ELF2: variants seen among roughly 807,000 people sequenced by gnomAD.
The protein encoded by ELF2 is E74 like ETS transcription factor 2.
A neutral mutation model predicts 54.8 loss-of-function variants in ELF2; 11 were observed. The ratio of observed to expected loss-of-function variants is 0.20; its 90% CI spans 0.13 to 0.33. The LOEUF is 0.33. ELF2 is among the 10% of genes least tolerant of loss of function. The pLI is 1.00. For synonymous variants in ELF2, 203 were observed against 245.1 expected (o/e 0.83, Z 1.61); for missense variants, 513 against 703.0 (o/e 0.73, Z 3.06).
At chr4:139,151,094 A>AAGAAAGAAAG (rs1179118074) in intron 1 of ELF2, among the ~76,000 whole-genome samples, 1 of 147,650 alleles carries the variant, frequency 6.8e-6, no homozygotes, top group African/African-American at 2.5e-5. Context: ...GAAAGAAAGA[A>AAGAAAGAAAG]AAAGAGAGCT....
intron 4 of ELF2, among the ~76,000 whole-genome samples, chr4:139,074,765 A>C (rs1730048854): frequency 2.6e-5 from 4 of 151,924 alleles, no homozygotes; most frequent in African/African-American, 9.7e-5. Context: ...GTCTCAAAAA[A>C]AAAAAACAAA....
chr4:139,161,041 TAC>T (rs895242573), intron 1 of ELF2, among the ~76,000 whole-genome samples: 1 of 152,216 alleles, frequency 6.6e-6, no homozygotes, highest in Non-Finnish European at 1.5e-5. Context: ...CATGTGTGTA[TAC>T]ACACACGTGT....
At chr4:139,083,886 G>GCTGCTC (rs898699786) in intron 4 of ELF2, among the ~76,000 whole-genome samples, 1 of 152,216 alleles carries the variant, frequency 6.6e-6, no homozygotes, top group Non-Finnish European at 1.5e-5. Flanking sequence ...AGCTGCTGCT[G>GCTGCTC]CTGCTCGCCG....
intron 4 of ELF2, chr4:139,084,094 C>A (rs748306747): frequency 5.0e-6 from 8 of 1,612,548 alleles, no homozygotes; most frequent in Non-Finnish European, 5.9e-6. Context: ...CCCTCTCCTG[C>A]TGCACCGATG....
At chr4:139,082,383 A>G (rs974442992) in intron 4 of ELF2, among the ~76,000 whole-genome samples, 4 of 152,186 alleles carry the variant, frequency 2.6e-5, no homozygotes, top group Non-Finnish European at 4.4e-5. Flanking sequence ...TCAAGTTCTC[A>G]TTGTGCTCTC....
intron 1 of ELF2, among the ~76,000 whole-genome samples, chr4:139,173,655 G>A (rs769984387): frequency 1.3e-5 from 2 of 151,622 alleles, no homozygotes; most frequent in Non-Finnish European, 2.9e-5. Flanking sequence ...CTACTTGGGA[G>A]GCTGAGGCAA....
intron 3 of ELF2, among the ~76,000 whole-genome samples, chr4:139,132,129 T>C (rs1478592751): frequency 6.6e-6 from 1 of 152,192 alleles, no homozygotes; most frequent in Admixed American, 6.5e-5. Flanking sequence ...TATTGTTTTT[T>C]ACAATGATCC....
At position 139,129,540 on chromosome 4, in the gene ELF2, A is replaced by G. The variant is rs540838323; in HGVS notation, c.73-4211T>C. On this transcript the variant is annotated intron_variant, in intron 3 of 9. Transcript: ENST00000686138. ...AAGCTTAACATGTCTAAATGGCACA[A>G]ATTATCTACATCTGTCCCTGTTTCC... Among the ~76,000 whole-genome samples, 21 of 152,316 alleles carry G rather than the reference A, an allele frequency of 1.4e-4. No homozygotes were observed. The East Asian group carries it at 4.0e-3, about 29-fold the overall frequency.
intron 1 of ELF2, among the ~76,000 whole-genome samples, chr4:139,153,504 T>A (rs1740224895): frequency 6.6e-6 from 1 of 151,862 alleles, no homozygotes; most frequent in Non-Finnish European, 1.5e-5. Flanking sequence ...AAACTCACTA[T>A]CCCAAAGGGA....
At chr4:139,087,934 T>C (rs1334684101) in intron 4 of ELF2, among the ~76,000 whole-genome samples, 1 of 152,018 alleles carries the variant, frequency 6.6e-6, no homozygotes, top group Non-Finnish European at 1.5e-5. Flanking sequence ...GGAAAAAAAA[T>C]TTGCAATTCT....
chr4:139,143,091 C>A (rs1383683932), intron 1 of ELF2, among the ~76,000 whole-genome samples: 4 of 151,998 alleles, frequency 2.6e-5, no homozygotes, highest in Non-Finnish European at 1.5e-5. Flanking sequence ...ATTTTGGAAC[C>A]CTGGCTAAAG....
In ELF2 at chr4:139,084,297, A is replaced by ACACACACTCACGCACTCG. The variant is rs1272208807; in HGVS notation, c.239-10748_239-10731dup. 33 of 1,598,070 alleles carry ACACACACTCACGCACTCG rather than the reference A, an allele frequency of 2.1e-5. 1 individual carries two copies. Among genetic ancestry groups the ACACACACTCACGCACTCG allele is most frequent in the South Asian group, 9.9e-5 (9 of 90,882 alleles). Reference sequence around the variant, plus strand: ...GCCGGAGACACACGCCGTGCGACCGACACACACTCACGCACTCGCACACAC... The same window carrying ACACACACTCACGCACTCG: ...GCCGGAGACACACGCCGTGCGACCGACACACACTCACGCACTCGCACACACTCACGCACTCGCACACAC... On this transcript the variant is annotated intron_variant, in intron 4 of 9. Transcript: ENST00000686138.
intron 1 of ELF2, among the ~76,000 whole-genome samples, chr4:139,144,163 G>C (rs764423672): frequency 6.6e-6 from 1 of 152,130 alleles, no homozygotes. Flanking sequence ...GTAAAAAACT[G>C]TAAGTCCCCA....
Position 139,057,545 on chromosome 4 carries a change from G to GT in ELF2, c.*1437dup, listed in dbSNP as rs1401262346. The GT allele has an allele frequency of 6.6e-6, 1 of 152,186 alleles. No homozygotes were observed. The highest frequency in any genetic ancestry group is 2.4e-5 in the African/African-American group (1 of 41,452). The allele number at this position is 152,186 out of a possible 1,614,324, so 9.4% of individuals were successfully genotyped here. On this transcript the variant is annotated 3_prime_UTR_variant, in exon 10 of 10. Transcript: ENST00000686138. The stretch of plus-strand genomic sequence containing the variant: ...CCTAATCTGTAAAAGGGCTAGAAGA[G>GT]TAATTGTTCTTTTTAATCCACAAAA...
intron 4 of ELF2, chr4:139,116,826 C>A (rs562358894): frequency 1.5e-6 from 1 of 646,088 alleles, no homozygotes; most frequent in Non-Finnish European, 1.9e-6. Context: ...ATAACAAATA[C>A]AAAAGTTATG....
intron 4 of ELF2, among the ~76,000 whole-genome samples, chr4:139,080,383 AT>A (rs1156248859): frequency 1.3e-5 from 2 of 151,930 alleles, no homozygotes; most frequent in South Asian, 2.1e-4. Context: ...CATACTGCTA[AT>A]TTTTTTTCAA....
At chr4:139,114,698 C>T (rs1735418265) in intron 4 of ELF2, among the ~76,000 whole-genome samples, 1 of 147,634 alleles carries the variant, frequency 6.8e-6, no homozygotes, top group African/African-American at 2.5e-5. Context: ...AAAGGGCCCG[C>T]GCCACGGAGT....
intron 4 of ELF2, among the ~76,000 whole-genome samples, chr4:139,092,404 T>TAACA (rs879540671): frequency 0.11 from 9,147 of 86,204 alleles, 726 homozygotes; most frequent in African/African-American, 0.13. Flanking sequence ...TAACATAACA[T>TAACA]AACATAACAT....
At chr4:139,166,355 C>G (rs1741718833) in intron 1 of ELF2, among the ~76,000 whole-genome samples, 1 of 151,914 alleles carries the variant, frequency 6.6e-6, no homozygotes, top group Non-Finnish European at 1.5e-5. Context: ...CCACTGTACT[C>G]CAGCCTGGGT....
Sources: allele counts gnomAD v4.1 joint callset (sites outside exome capture counted in the v4.1 genomes callset), GRCh38; gene constraint gnomAD v4.1.1; transcripts MANE v1.5; gene names NCBI Gene and HGNC (gene_info 2026-07-23, HGNC 2026-07-21).